Variants in TADA2A observed in about 807,000 individuals in gnomAD.
TADA2A encodes the protein transcriptional adapter 2-alpha.
TADA2A carries 38 observed loss-of-function variants against 67.4 expected under a neutral mutation model. The observed-to-expected ratio is 0.56, with a 90% confidence interval of 0.44 to 0.74. TADA2A has a LOEUF of 0.74. Ranked by LOEUF, TADA2A falls within the 30% of genes least tolerant of loss-of-function variation. The probability of loss-of-function intolerance (pLI) is 0.00; values close to 1 mark genes in which losing one functional copy is unlikely to be tolerated. For synonymous variants in TADA2A, 192 were observed against 181.6 expected (o/e 1.06, Z -0.46); for missense variants, 454 against 547.0 (o/e 0.83, Z 1.70).
chr17:37,420,065 A>G lies in TADA2A; in HGVS notation c.26-3444A>G, dbSNP rs563120751. 2.7e-5 allele frequency among the ~76,000 whole-genome samples: 4 copies of G among 146,050 alleles called. 1 individual carries two copies. The South Asian group carries it at 8.9e-4, about 32-fold the overall frequency. ...GGCTGATGCCTTTTTTAAAAATAGG[A>G]TAGTTGGAGGAAAGAGAGAAGCAAG... On this transcript the variant is annotated intron_variant, in intron 2 of 15. Coordinates refer to ENST00000615182, the MANE Select transcript of TADA2A (RefSeq NM_001166105.3).
chr17:37,427,100 C>G, intron 4 of TADA2A, 91 bp downstream of exon 4: 1 of 1,106,226 alleles, frequency 9.0e-7, no homozygotes, highest in Non-Finnish European at 1.3e-6. Context: ...TTTAAGCTCT[C>G]TTGGACTTCA....
chr17:37,438,137 A>T, intron 5 of TADA2A: 1 of 217,260 alleles, frequency 4.6e-6, no homozygotes. Context: ...GTTAGTTATT[A>T]CTCCCTTCTG....
At chr17:37,449,268 G>A (rs1249345501) in intron 8 of TADA2A, among the ~76,000 whole-genome samples, 3 of 152,238 alleles carry the variant, frequency 2.0e-5, no homozygotes, top group East Asian at 3.9e-4. Flanking sequence ...TGGTCCACCC[G>A]CCTCAGCCTC....
At position 37,426,641 on chromosome 17, in the gene TADA2A, G is replaced by A. The variant is rs188874002; in HGVS notation, c.133-309G>A. On this transcript the variant is annotated intron_variant, in intron 3 of 15. Transcript: ENST00000615182. ...CTGAGATGGCGCCACTCTAGCCTGG[G>A]TGAAAGAGCAAGACTCCGTCTCAGA... is the stretch of plus-strand genomic sequence containing the variant. 1.1e-3 allele frequency: 205 copies of A among 182,678 alleles called. 1 individual carries two copies. Among genetic ancestry groups the A allele is most frequent in the Non-Finnish European group, 1.9e-3 (176 of 91,530 alleles). 11.3% of individuals were successfully genotyped at this position (182,678 alleles called of 1,614,324 possible).
intron 2 of TADA2A, among the ~76,000 whole-genome samples, chr17:37,418,447 A>G (rs1297581104): frequency 6.6e-6 from 1 of 152,200 alleles, no homozygotes; most frequent in Non-Finnish European, 1.5e-5. Context: ...GGAGTTGAGT[A>G]CAATTAGGTT....
intron 14 of TADA2A, among the ~76,000 whole-genome samples, chr17:37,472,627 C>G (rs1000068877): frequency 6.6e-6 from 1 of 151,648 alleles, no homozygotes; most frequent in African/African-American, 2.4e-5. Flanking sequence ...GAGGCTGAGG[C>G]GGGCAGATCA....
At chr17:37,443,310 A>G (rs990796478) in intron 7 of TADA2A, among the ~76,000 whole-genome samples, 1 of 151,324 alleles carries the variant, frequency 6.6e-6, no homozygotes, top group African/African-American at 2.4e-5. Flanking sequence ...CTGGAGTGCA[A>G]TGGCATGGTC....
chr17:37,413,352 C>G (rs1018682173), intron 2 of TADA2A, among the ~76,000 whole-genome samples: 1 of 152,120 alleles, frequency 6.6e-6, no homozygotes, highest in Non-Finnish European at 1.5e-5. Flanking sequence ...GTAGAGAAAT[C>G]TAAGTGGACT....
chr17:37,464,370 CT>C (rs1333153324), intron 10 of TADA2A, among the ~76,000 whole-genome samples: 4 of 152,170 alleles, frequency 2.6e-5, no homozygotes, highest in Non-Finnish European at 5.9e-5. Flanking sequence ...AGAAATCACA[CT>C]TTTTCTCAGC....
intron 2 of TADA2A, among the ~76,000 whole-genome samples, chr17:37,423,019 C>A (rs947942753): frequency 1.3e-5 from 2 of 152,164 alleles, no homozygotes; most frequent in African/African-American, 4.8e-5. Context: ...CAGGAACATT[C>A]TTTGAACCTA....
chr17:37,460,752 T>C (rs2053528209), intron 9 of TADA2A, among the ~76,000 whole-genome samples: 1 of 152,116 alleles, frequency 6.6e-6, no homozygotes, highest in Admixed American at 6.6e-5. Flanking sequence ...GCAGAGGGTA[T>C]AAGTGTGCAT....
rs548248052 is a variant in TADA2A at position 37,446,832 on chromosome 17, TTTCATTC to T, written c.604+2077_604+2083del. On this transcript the variant is annotated intron_variant, in intron 8 of 15. Coordinates refer to ENST00000615182, the MANE Select transcript of TADA2A (RefSeq NM_001166105.3). ...AACTATAGTAATGGTCGGTGTTTAA[TTTCATTC>T]TTCATTCTTCATGGGAGTAGGACTT... Among the ~76,000 whole-genome samples, 220 of 152,308 alleles carry T rather than the reference TTTCATTC, an allele frequency of 1.4e-3. 2 individuals carry two copies. Among genetic ancestry groups the T allele is most frequent in the Non-Finnish European group, 5.4e-4 (37 of 68,028 alleles).
chr17:37,453,791 A>G (rs1206010967), intron 8 of TADA2A, among the ~76,000 whole-genome samples: 4 of 108,908 alleles, frequency 3.7e-5, no homozygotes, highest in African/African-American at 7.4e-5. Context: ...TTTTTTTGAG[A>G]CAGAGTTTTA....
At chr17:37,429,619 C>T (rs2041466940) in intron 4 of TADA2A, among the ~76,000 whole-genome samples, 2 of 152,066 alleles carry the variant, frequency 1.3e-5, no homozygotes. Context: ...TACAGCACTG[C>T]AGTATATTTA....
At chr17:37,469,590 G>A (rs2053742262) in intron 12 of TADA2A, among the ~76,000 whole-genome samples, 2 of 152,178 alleles carry the variant, frequency 1.3e-5, no homozygotes, top group South Asian at 2.1e-4. Flanking sequence ...CCGAGATCGC[G>A]CCATTGCACT....
Position 37,411,345 on chromosome 17 carries a change from G to T in TADA2A, c.-21G>T. 3 of 1,613,870 alleles carry T rather than the reference G, an allele frequency of 1.9e-6. No individual in the cohort carries two copies. Among genetic ancestry groups the T allele is most frequent in the Non-Finnish European group, 2.5e-6 (3 of 1,179,764 alleles). ...AGCTCTGCTGAGGAAGACCAAAGCA[G>T]CACTCGTTGCCAATTAGGGAATGGA... On this transcript the variant is annotated 5_prime_UTR_variant, in exon 2 of 16. Transcript: ENST00000615182.
At chr17:37,453,759 A>ATTTTTT (rs143096066) in intron 8 of TADA2A, among the ~76,000 whole-genome samples, 1 of 69,066 alleles carries the variant, frequency 1.4e-5, no homozygotes, top group Non-Finnish European at 2.4e-5. Flanking sequence ...GAAATAACTG[A>ATTTTTT]TTTTTTTTTT....
At chr17:37,441,368 A>G (rs1379984678) in intron 6 of TADA2A, among the ~76,000 whole-genome samples, 1 of 152,054 alleles carries the variant, frequency 6.6e-6, no homozygotes, top group Non-Finnish European at 1.5e-5. Flanking sequence ...CTTAGAGAAT[A>G]CAGTATTTGA....
chr17:37,443,263 T>C (rs1325393702), intron 7 of TADA2A, among the ~76,000 whole-genome samples: 1 of 151,962 alleles, frequency 6.6e-6, no homozygotes, highest in East Asian at 1.9e-4. Flanking sequence ...TCTTTTTTTT[T>C]TTTTTTGAGA....
Sources: allele counts gnomAD v4.1 joint callset (sites outside exome capture counted in the v4.1 genomes callset), GRCh38; gene constraint gnomAD v4.1.1; transcripts MANE v1.5; gene names NCBI Gene and HGNC (gene_info 2026-07-23, HGNC 2026-07-21).